Variants in GDAP1 observed in about 807,000 individuals in gnomAD.
GDAP1 encodes the protein ganglioside-induced differentiation-associated protein 1.
In GDAP1, 34 loss-of-function variants were observed where a neutral mutation model predicts 40.1. That is an observed-to-expected ratio of 0.85 (90% CI 0.64 to 1.13). GDAP1 has a LOEUF of 1.13. GDAP1 is among the 50% of genes most tolerant of loss of function. The probability of loss-of-function intolerance (pLI) is 0.00; values close to 1 mark genes in which losing one functional copy is unlikely to be tolerated. For synonymous variants in GDAP1, 170 were observed against 157.4 expected, an observed-to-expected ratio of 1.08 and a Z score of -0.60; for missense variants, 374 against 433.7, an observed-to-expected ratio of 0.86 and a Z score of 1.22.
intron 2 of GDAP1, among the ~76,000 whole-genome samples, chr8:74,400,912 C>G (rs1234208463): frequency 6.7e-6 from 1 of 149,564 alleles, no homozygotes; most frequent in East Asian, 1.9e-4. Flanking sequence ...GGGTTTCTGC[C>G]GAGAGATCCG....
chr8:74,472,505 A>G (rs1431646987), intron 2 of GDAP1, among the ~76,000 whole-genome samples: 1 of 152,156 alleles, frequency 6.6e-6, no homozygotes, highest in Non-Finnish European at 1.5e-5. Flanking sequence ...TTTTTGAGCA[A>G]TTGCCACACT....
chr8:74,403,870 A>G (rs1805599371), intron 2 of GDAP1, among the ~76,000 whole-genome samples: 1 of 150,282 alleles, frequency 6.7e-6, no homozygotes, highest in African/African-American at 2.5e-5. Context: ...GGTGTTATGT[A>G]TAAAGCTTTG....
intron 2 of GDAP1, among the ~76,000 whole-genome samples, chr8:74,402,576 T>C (rs1422539886): frequency 1.3e-5 from 2 of 150,178 alleles, no homozygotes; most frequent in Non-Finnish European, 2.9e-5. Context: ...CTGCGCCCAC[T>C]TCTGGCACTC....
chr8:74,455,753 G>A (rs1445302477), intron 2 of GDAP1, among the ~76,000 whole-genome samples: 1 of 151,798 alleles, frequency 6.6e-6, no homozygotes, highest in Non-Finnish European at 1.5e-5. Flanking sequence ...TGTGCCAAGT[G>A]CTTGACTATG....
At chr8:74,372,651 A>G (rs1357981601) in intron 2 of GDAP1, among the ~76,000 whole-genome samples, 1 of 152,120 alleles carries the variant, frequency 6.6e-6, no homozygotes, top group African/African-American at 2.4e-5. Flanking sequence ...AGTTCTTTGT[A>G]GATTCTGGAT....
At chr8:74,351,865 A>G (rs1409242317) in intron 2 of GDAP1, among the ~76,000 whole-genome samples, 3 of 152,210 alleles carry the variant, frequency 2.0e-5, no homozygotes. Flanking sequence ...AGAGCAATAA[A>G]TCTTAAAGGA....
At chr8:74,467,341 G>GT (rs1806482797) in intron 2 of GDAP1, among the ~76,000 whole-genome samples, 1 of 152,196 alleles carries the variant, frequency 6.6e-6, no homozygotes. Flanking sequence ...TGGTTAAATG[G>GT]TTTCTGAGCC....
At chr8:74,455,686 G>T (rs1806327781) in intron 2 of GDAP1, among the ~76,000 whole-genome samples, 1 of 151,562 alleles carries the variant, frequency 6.6e-6, no homozygotes, top group Non-Finnish European at 1.5e-5. Flanking sequence ...TCAAAATTTG[G>T]AAGTCTTCCA....
intron 2 of GDAP1, among the ~76,000 whole-genome samples, chr8:74,384,173 T>C (rs577746594): frequency 5.9e-5 from 9 of 152,348 alleles, no homozygotes; most frequent in African/African-American, 1.7e-4. Context: ...TAATATATAA[T>C]GTAAGTTAAC....
chr8:74,420,894 C>A (rs1420625631), intron 2 of GDAP1, among the ~76,000 whole-genome samples: 1 of 151,184 alleles, frequency 6.6e-6, no homozygotes, highest in Non-Finnish European at 1.5e-5. Flanking sequence ...CATGGTGGGG[C>A]CTGGTTATTA....
At position 74,351,309 on chromosome 8, in the gene GDAP1, C is replaced by G; in HGVS notation, c.153C>G (p.Cys51Trp). 1 of 1,614,066 alleles carries G rather than the reference C, an allele frequency of 6.2e-7. No homozygotes were observed. The highest frequency in any genetic ancestry group is 8.5e-7 in the Non-Finnish European group (1 of 1,179,912). The change falls in exon 2 of 6, where the codon TGC (cysteine) becomes TGG (tryptophan). Residue 51 changes from cysteine to tryptophan, a missense_variant. Coordinates refer to ENST00000220822, the MANE Select transcript of GDAP1 (RefSeq NM_018972.4). ...TAATTGCTGAAAAGGCATTGAAGTGCGAGGAACATGATGTAAGTCTGCCCT... is the reference window on the plus strand; with the variant it reads ...TAATTGCTGAAAAGGCATTGAAGTGGGAGGAACATGATGTAAGTCTGCCCT... Reference protein sequence around the residue: ...RLVIAEKALKCEEHDVSLPLS... With the variant: ...RLVIAEKALKWEEHDVSLPLS...
chr8:74,460,474 CAT>C (rs1806387101), intron 2 of GDAP1, among the ~76,000 whole-genome samples: 1 of 152,226 alleles, frequency 6.6e-6, no homozygotes, highest in Non-Finnish European at 1.5e-5. Context: ...TTTACTAAAA[CAT>C]ATGTCTATGT....
In GDAP1 at chr8:74,412,776, C is replaced by T. The variant is rs1029385566; in HGVS notation, c.165+61455C>T. ...GGTGATTTAAAGATTTCTGAAGCCT[C>T]GGCTGGGTGCGGTGGCTCACGCCTG... On this transcript the variant is annotated intron_variant, in intron 2 of 2. Coordinates refer to the GDAP1 transcript ENST00000523640. 1.9e-4 allele frequency among the ~76,000 whole-genome samples: 28 copies of T among 149,290 alleles called. 2 individuals are homozygous for T. The highest frequency in any genetic ancestry group is 1.1e-3 in the Admixed American group (16 of 15,172).
At chr8:74,357,635 G>A (rs1809163518) in intron 2 of GDAP1, among the ~76,000 whole-genome samples, 1 of 152,092 alleles carries the variant, frequency 6.6e-6, no homozygotes, top group Non-Finnish European at 1.5e-5. Context: ...AGTTCTTCCG[G>A]CAAGTCGGAT....
intron 2 of GDAP1, among the ~76,000 whole-genome samples, chr8:74,382,254 A>G (rs1236517338): frequency 1.8e-4 from 28 of 151,998 alleles, no homozygotes; most frequent in Admixed American, 1.8e-3. Flanking sequence ...GATTTCTGGT[A>G]TGTTAAGGTA....
chr8:74,485,088 T>C (rs1208013070), intron 2 of GDAP1, among the ~76,000 whole-genome samples: 1 of 152,270 alleles, frequency 6.6e-6, no homozygotes, highest in Non-Finnish European at 1.5e-5. Flanking sequence ...GTTACACTAG[T>C]TAATATGTAA....
At chr8:74,478,997 T>C (rs1454271490) in intron 2 of GDAP1, among the ~76,000 whole-genome samples, 1 of 152,198 alleles carries the variant, frequency 6.6e-6, no homozygotes, top group East Asian at 1.9e-4. Context: ...CCCTCAATGC[T>C]TTCCCTGTGA....
intron 2 of GDAP1, among the ~76,000 whole-genome samples, chr8:74,482,496 G>T (rs533514064): frequency 3.3e-5 from 5 of 151,910 alleles, no homozygotes; most frequent in Non-Finnish European, 7.4e-5. Flanking sequence ...GTGTTATGTG[G>T]CATGGTTAAA....
At position 74,471,991 on chromosome 8, in the gene GDAP1, T is replaced by C. The variant is rs1297389245; in HGVS notation, c.166-16687T>C. On this transcript the variant is annotated intron_variant, in intron 2 of 2. Transcript: ENST00000523640. The stretch of plus-strand genomic sequence containing the variant: ...CAGGAATACATGTGCAGGTTTGTTA[T>C]ATAGGTAAACTCATGTCATGAGGGT... Among the ~76,000 whole-genome samples the C allele has an allele frequency of 2.0e-5, 3 of 152,264 alleles. No homozygotes were observed. In the East Asian group the frequency reaches 5.8e-4, roughly 29 times the overall value.
Sources: gnomAD v4.1 joint callset for allele counts (sites outside exome capture counted in the v4.1 genomes callset) on GRCh38, gnomAD v4.1.1 for gene constraint, MANE v1.5 for transcripts, NCBI Gene and HGNC (gene_info 2026-07-23, HGNC 2026-07-21) for gene names.